TMPO: variants seen among roughly 807,000 people sequenced by gnomAD.
TMPO encodes thymopoietin, also known as LEM domain containing 4.
TMPO carries 22 observed loss-of-function variants against 45.4 expected under a neutral mutation model. The ratio of observed to expected loss-of-function variants is 0.48; its 90% confidence interval spans 0.35 to 0.69. The LOEUF is 0.69. Among genes scored for constraint, TMPO ranks in the 30% least tolerant of loss-of-function variants. The pLI is 0.01. For synonymous variants in TMPO, 241 were observed against 204.1 expected (o/e 1.18, Z -1.54); for missense variants, 512 against 548.8 (o/e 0.93, Z 0.67).
chr12:98,535,021 C>A, intron 3 of TMPO: 1 of 779,018 alleles, frequency 1.3e-6, no homozygotes, highest in Non-Finnish European at 1.6e-6. Context: ...ATAGCTAAAG[C>A]AATGTATTGA....
rs772638061 is a variant in TMPO, at chr12:98,516,068, T to C, written c.201T>C (p.Ser67=). The part of the protein sequence containing the change: ...TNSKGPPDFS[S]DEEREPTPVL... ...GCAAGGGGCCCCCGGACTTCTCCAG[T>C]GACGAAGAGCGCGAGCCCACCCCGG... Residue 67 remains serine (S), a synonymous_variant, in exon 1 of 9, where the codon AGT becomes AGC. Coordinates refer to ENST00000556029, the MANE Select transcript of TMPO (RefSeq NM_001032283.3). The C allele has an allele frequency of 6.2e-6, 10 of 1,607,332 alleles. No individual in the cohort carries two copies. The highest frequency in any genetic ancestry group is 1.3e-5 in the African/African-American group (1 of 74,774).
intron 3 of TMPO, among the ~76,000 whole-genome samples, chr12:98,536,850 G>A (rs370598729): frequency 2.0e-5 from 3 of 152,178 alleles, no homozygotes; most frequent in African/African-American, 4.8e-5. Flanking sequence ...GGACTGGGAC[G>A]AGAAGTGACC....
intron 4 of TMPO, among the ~76,000 whole-genome samples, chr12:98,539,158 C>A (rs1877752144): frequency 1.3e-5 from 2 of 151,990 alleles, no homozygotes; most frequent in African/African-American, 4.8e-5. Flanking sequence ...CGAGATCGCG[C>A]CATTGCACTC....
intron 7 of TMPO, 69 bp from the exon 8 acceptor site, chr12:98,546,288 TTA>T (rs1188901597): frequency 9.9e-6 from 10 of 1,007,988 alleles, no homozygotes; most frequent in Non-Finnish European, 1.6e-5. Context: ...AACTTACTAT[TTA>T]TGTTTTAATT....
intron 7 of TMPO, 23 bp downstream of exon 7, chr12:98,545,084 G>C: frequency 7.1e-7 from 1 of 1,405,368 alleles, no homozygotes; most frequent in Non-Finnish European, 1.0e-6. Context: ...AATTTAGATC[G>C]ATGCTATCAT....
rs996997919 is a variant in TMPO, at chr12:98,515,860, T to C, written c.-8T>C. 6.2e-7 allele frequency: 1 copy of C among 1,611,268 alleles called. No homozygotes were observed. The highest frequency in any genetic ancestry group is 8.5e-7 in the Non-Finnish European group (1 of 1,178,770). The stretch of plus-strand genomic sequence containing the variant: ...GGCTGTGGGGAGGGGGCTTCGCAGA[T>C]CCCCGAGATGCCGGAGTTCCTGGAA... On this transcript the variant is annotated 5_prime_UTR_variant, in exon 1 of 9. Coordinates refer to ENST00000556029, the MANE Select transcript of TMPO (RefSeq NM_001032283.3).
chr12:98,516,101 C>T lies in TMPO; in HGVS notation c.234C>T (p.Gly78=), dbSNP rs753917997. ...DEEREPTPVL[G]SGAAAAGRSR... is the part of the protein sequence containing the mutation. ...AGCGCGAGCCCACCCCGGTCCTCGG[C>T]TCTGGGGCCGCCGCCGCGGGCCGGA... The change falls in exon 1 of 9, where the codon GGC becomes GGT. Residue 78 remains glycine, a synonymous_variant. Coordinates refer to ENST00000556029, the MANE Select transcript of TMPO (RefSeq NM_001032283.3). 9.0e-6 allele frequency: 14 copies of T among 1,558,810 alleles called. No individual in the cohort carries two copies. The highest frequency in any genetic ancestry group is 2.4e-5 in the East Asian group (1 of 41,884).
rs941150009 is a variant in TMPO, at chr12:98,535,446, TC to T, written c.566-2026del. 7 of 985,234 alleles carry T rather than the reference TC, an allele frequency of 7.1e-6. No individual in the cohort carries two copies. In the African/African-American group the frequency reaches 1.2e-4, roughly 17 times the overall value. 61.0% of individuals were successfully genotyped at this position (985,234 alleles called of 1,614,324 possible). A position where few individuals can be genotyped will look rare whatever the true frequency, so the allele number is the denominator to read the frequency against. Reference sequence around the variant, plus strand: ...TAATAAAATATGGTCTCTTGGGTACTCCCTCTGGCCATTACCACATTCTTAG... The same window carrying T: ...TAATAAAATATGGTCTCTTGGGTACTCCTCTGGCCATTACCACATTCTTAG... On this transcript the variant is annotated intron_variant, in intron 3 of 8. Transcript: ENST00000556029.
chr12:98,529,609 C>T (rs935798592), intron 2 of TMPO, among the ~76,000 whole-genome samples: 9 of 149,820 alleles, frequency 6.0e-5, no homozygotes, highest in Non-Finnish European at 1.2e-4. Flanking sequence ...CTGTTGTCCA[C>T]GCTGGAGTGC....
At chr12:98,524,621 T>C (rs929628267) in intron 1 of TMPO, among the ~76,000 whole-genome samples, 4 of 150,810 alleles carry the variant, frequency 2.7e-5, no homozygotes, top group African/African-American at 7.3e-5. Context: ...TGAGACAGAG[T>C]CTTGCTCTAT....
Position 98,531,698 on chromosome 12 carries a change from A to C in TMPO, c.425A>C (p.Tyr142Ser). The C allele has an allele frequency of 6.2e-7, 1 of 1,612,774 alleles. No homozygotes were observed. Among genetic ancestry groups the C allele is most frequent in the South Asian group, 1.1e-5 (1 of 91,030 alleles). ...GPIVGTTRKL[Y>S]EKKLLKLREQ... ...AATCCAGGAACAACCAGGAAGCTAT[A>C]TGAGAAAAAGCTTTTGAAACTGAGG... Residue 142 changes from tyrosine (Y) to serine (S), a missense_variant, in exon 3 of 9, where the codon TAT becomes TCT. Physicochemically the swap from Tyr to Ser is moderately radical, Grantham distance 144. Coordinates refer to ENST00000556029, the MANE Select transcript of TMPO (RefSeq NM_001032283.3).
Position 98,546,509 on chromosome 12 carries a change from C to A in TMPO, c.1079+62C>A, listed in dbSNP as rs796521024. The A allele has an allele frequency of 7.2e-6, 9 of 1,256,174 alleles. No individual in the cohort carries two copies. The African/African-American group carries it at 1.2e-4, about 16-fold the overall frequency. The allele number at this position is 1,256,174 out of a possible 1,614,324, so 77.8% of individuals were successfully genotyped here. On this transcript the variant is annotated intron_variant, in intron 8 of 8. Transcript: ENST00000556029. ...TAGTAGGGAATCTTTATTTTTAATT[C>A]TTCATCACAAAGTTACTGTACTTCT...
At position 98,516,619 on chromosome 12, in the gene TMPO, A is replaced by G. The variant is rs923875235; in HGVS notation, c.279+473A>G. Reference sequence around the variant, plus strand: ...ACTGATGACACTCTAATTTCTAACCAAAATTTGAAATGAGGAAATTCCCGC... The same window carrying G: ...ACTGATGACACTCTAATTTCTAACCGAAATTTGAAATGAGGAAATTCCCGC... On this transcript the variant is annotated intron_variant, in intron 1 of 8. Coordinates refer to ENST00000556029, the MANE Select transcript of TMPO (RefSeq NM_001032283.3). 5.6e-6 allele frequency: 5 copies of G among 885,918 alleles called. No homozygotes were observed. The Admixed American group carries it at 1.8e-4, about 33-fold the overall frequency. The allele number at this position is 885,918 out of a possible 1,614,324, so 54.9% of individuals were successfully genotyped here. A position where few individuals can be genotyped will look rare whatever the true frequency, so the allele number is the denominator to read the frequency against.
chr12:98,540,290 G>A (rs1877834144), intron 4 of TMPO, among the ~76,000 whole-genome samples: 1 of 152,214 alleles, frequency 6.6e-6, no homozygotes, highest in African/African-American at 2.4e-5. Context: ...TCATACCTGT[G>A]CTATCCGTTA....
chr12:98,533,688 T>C (rs766081741), intron 3 of TMPO: 2 of 1,614,228 alleles, frequency 1.2e-6, no homozygotes, highest in Non-Finnish European at 8.5e-7. Flanking sequence ...TAGAAGTGGC[T>C]AAGCAATCAC....
At chr12:98,529,867 C>T (rs1417668627) in intron 2 of TMPO, among the ~76,000 whole-genome samples, 1 of 152,106 alleles carries the variant, frequency 6.6e-6, no homozygotes, top group Non-Finnish European at 1.5e-5. Context: ...TCTTGATCTT[C>T]TAAGTTACCT....
At chr12:98,525,337 A>G (rs1452521472) in intron 1 of TMPO, among the ~76,000 whole-genome samples, 1 of 152,180 alleles carries the variant, frequency 6.6e-6, no homozygotes, top group Non-Finnish European at 1.5e-5. Flanking sequence ...AGTTGACATA[A>G]TTGTTCTTAT....
rs1260665531 is a variant in TMPO, at chr12:98,550,345, G to A, written c.*2487G>A. On this transcript the variant is annotated 3_prime_UTR_variant, in exon 9 of 9. Coordinates refer to ENST00000556029, the MANE Select transcript of TMPO (RefSeq NM_001032283.3). ...CGTTGCAATAAATGGTTTTCAGATA[G>A]CACAAACTGTGATTTCTGGATAACA... 1 of 152,160 alleles carries A rather than the reference G, an allele frequency of 6.6e-6. No homozygotes were observed. Among genetic ancestry groups the A allele is most frequent in the Non-Finnish European group, 1.5e-5 (1 of 68,034 alleles). The allele number at this position is 152,160 out of a possible 1,614,324, so 9.4% of individuals were successfully genotyped here. A position where few individuals can be genotyped will look rare whatever the true frequency, so the allele number is the denominator to read the frequency against.
intron 1 of TMPO, among the ~76,000 whole-genome samples, chr12:98,518,284 A>G (rs967239567): frequency 6.6e-6 from 1 of 151,696 alleles, no homozygotes; most frequent in Non-Finnish European, 1.5e-5. Flanking sequence ...TTGTATGTTT[A>G]TAATAGAATT....
Sources: gnomAD v4.1 joint callset for allele counts (sites outside exome capture counted in the v4.1 genomes callset) on GRCh38, gnomAD v4.1.1 for gene constraint, MANE v1.5 for transcripts, NCBI Gene and HGNC (gene_info 2026-07-23, HGNC 2026-07-21) for gene names.